Variants in GNAZ observed in about 807,000 individuals in gnomAD.
The protein encoded by GNAZ is guanine nucleotide-binding protein G(z) subunit alpha.
GNAZ carries 3 observed loss-of-function variants against 25.4 expected under a neutral mutation model. That is an observed-to-expected ratio of 0.12 (90% CI 0.05 to 0.30). The LOEUF (loss-of-function observed/expected upper bound fraction) is 0.30, where lower values mean the gene tolerates loss of function less well. Among genes scored for constraint, GNAZ ranks in the 10% least tolerant of loss-of-function variants. GNAZ has a pLI of 1.00. For missense variants in GNAZ, 241 were observed against 501.8 expected (o/e 0.48, Z 4.97); for synonymous variants, 211 against 205.7 (o/e 1.03, Z -0.22).
intron 2 of GNAZ, among the ~76,000 whole-genome samples, chr22:23,110,825 A>C (rs1333500695): frequency 6.6e-6 from 1 of 152,214 alleles, no homozygotes; most frequent in African/African-American, 2.4e-5. Flanking sequence ...CTGAGAGCTC[A>C]GTGTTGGGAA....
intron 2 of GNAZ, among the ~76,000 whole-genome samples, chr22:23,116,776 G>A (rs886335526): frequency 9.2e-5 from 14 of 152,344 alleles, no homozygotes; most frequent in African/African-American, 3.1e-4. Flanking sequence ...GTGAGTGCCT[G>A]ATGGGGAAGG....
At chr22:23,113,334 C>T (rs1300138562) in intron 2 of GNAZ, among the ~76,000 whole-genome samples, 1 of 152,240 alleles carries the variant, frequency 6.6e-6, no homozygotes, top group Admixed American at 6.5e-5. Flanking sequence ...GCCAGCACCG[C>T]CTCCCTGTTT....
chr22:23,082,139 A>G (rs541151779), intron 1 of GNAZ, among the ~76,000 whole-genome samples: 1 of 151,510 alleles, frequency 6.6e-6, no homozygotes, highest in African/African-American at 2.4e-5. Flanking sequence ...AAAAAACAAA[A>G]AAAAAAAACA....
intron 2 of GNAZ, among the ~76,000 whole-genome samples, chr22:23,107,222 G>C (rs917786840): frequency 2.6e-5 from 4 of 152,172 alleles, no homozygotes; most frequent in Admixed American, 2.6e-4. Context: ...GCAAGCAGAG[G>C]CTCTGACTTC....
chr22:23,072,680 G>T (rs2068409416), intron 1 of GNAZ, among the ~76,000 whole-genome samples: 1 of 152,254 alleles, frequency 6.6e-6, no homozygotes. Flanking sequence ...GTGCTGAGCA[G>T]GGTGAGCTGC....
intron 1 of GNAZ, among the ~76,000 whole-genome samples, chr22:23,089,048 C>T (rs1255346451): frequency 8.6e-5 from 13 of 151,684 alleles, no homozygotes; most frequent in South Asian, 2.1e-4. Context: ...TCACTCTTTC[C>T]GTCGCCCAAG....
intron 1 of GNAZ, among the ~76,000 whole-genome samples, chr22:23,082,378 T>A (rs953638184): frequency 9.8e-5 from 6 of 61,500 alleles, no homozygotes; most frequent in African/African-American, 3.2e-4. Flanking sequence ...CACCTGGCTA[T>A]TTTTTTTTTT....
intron 1 of GNAZ, among the ~76,000 whole-genome samples, chr22:23,085,513 G>C (rs992737105): frequency 6.6e-6 from 1 of 152,230 alleles, no homozygotes; most frequent in Non-Finnish European, 1.5e-5. Flanking sequence ...TAGGAGCAAC[G>C]GGAGAAGCAG....
At chr22:23,115,413 G>T (rs1601828876) in intron 2 of GNAZ, among the ~76,000 whole-genome samples, 1 of 152,190 alleles carries the variant, frequency 6.6e-6, no homozygotes, top group Non-Finnish European at 1.5e-5. Context: ...TGTGTGCAAG[G>T]GTCAGGGTTT....
intron 1 of GNAZ, among the ~76,000 whole-genome samples, chr22:23,088,096 G>C (rs1304490966): frequency 2.6e-5 from 4 of 152,240 alleles, no homozygotes; most frequent in Non-Finnish European, 4.4e-5. Context: ...TTGGAAGTTA[G>C]AAGCAAGATG....
chr22:23,119,209 C>T (rs543326974), intron 2 of GNAZ, among the ~76,000 whole-genome samples: 3 of 152,364 alleles, frequency 2.0e-5, no homozygotes, highest in African/African-American at 7.2e-5. Context: ...CGCTGTGACA[C>T]AGGCTCCCGA....
At chr22:23,074,781 G>A (rs1246632398) in intron 1 of GNAZ, among the ~76,000 whole-genome samples, 1 of 152,202 alleles carries the variant, frequency 6.6e-6, no homozygotes, top group Non-Finnish European at 1.5e-5. Context: ...GCGGGTCCCA[G>A]AGAGCAGGTC....
rs1203047500 is a variant in GNAZ, at chr22:23,104,533, T to C, written c.723+8115T>C. Among the ~76,000 whole-genome samples, 6 of 152,324 alleles carry C rather than the reference T, an allele frequency of 3.9e-5. No individual in the cohort carries two copies. In the South Asian group the frequency reaches 6.2e-4, roughly 16 times the overall value. On this transcript the variant is annotated intron_variant, in intron 2 of 2. Transcript: ENST00000615612. ...AATTTCCTGAGCGCATTAGCTCTGCTCAGTACACACACATGAGAACAGCTC... is the reference window on the plus strand; with the variant it reads ...AATTTCCTGAGCGCATTAGCTCTGCCCAGTACACACACATGAGAACAGCTC...
chr22:23,072,942 T>C (rs535512780), intron 1 of GNAZ, among the ~76,000 whole-genome samples: 20 of 152,308 alleles, frequency 1.3e-4, no homozygotes, highest in Non-Finnish European at 2.6e-4. Context: ...GGTAACTGGA[T>C]TGACTTCACA....
intron 2 of GNAZ, among the ~76,000 whole-genome samples, chr22:23,117,353 C>G (rs952910219): frequency 5.3e-5 from 8 of 152,260 alleles, no homozygotes; most frequent in African/African-American, 1.9e-4. Flanking sequence ...CATTGCATCT[C>G]CAGGCTAAGG....
chr22:23,115,733 C>T (rs1269303015), intron 2 of GNAZ, among the ~76,000 whole-genome samples: 1 of 152,228 alleles, frequency 6.6e-6, no homozygotes, highest in Non-Finnish European at 1.5e-5. Flanking sequence ...GGGGCCGGGG[C>T]TCATGTTTGA....
At chr22:23,092,152 A>G (rs762926349) in intron 1 of GNAZ, among the ~76,000 whole-genome samples, 3 of 152,148 alleles carry the variant, frequency 2.0e-5, no homozygotes, top group Non-Finnish European at 2.9e-5. Context: ...CTCTTGGCCA[A>G]CCATCATCAG....
intron 2 of GNAZ, among the ~76,000 whole-genome samples, chr22:23,118,481 C>T (rs1422534838): frequency 6.9e-6 from 1 of 144,692 alleles, no homozygotes; most frequent in East Asian, 1.9e-4. Context: ...CGCCCCGCCC[C>T]ACCCCCCGCG....
In GNAZ at chr22:23,105,046, C is replaced by T. The variant is rs114171920; in HGVS notation, c.723+8628C>T. ...CCCTAATCCCTGCTTCATCACACCTCGTGGTGGACATGTCCTCAGCTCAGG... is the reference window on the plus strand; with the variant it reads ...CCCTAATCCCTGCTTCATCACACCTTGTGGTGGACATGTCCTCAGCTCAGG... On this transcript the variant is annotated intron_variant, in intron 2 of 2. Transcript: ENST00000615612. 2.8e-3 allele frequency among the ~76,000 whole-genome samples: 433 copies of T among 152,348 alleles called. 2 individuals carry two copies. Among genetic ancestry groups the T allele is most frequent in the African/African-American group, 0.01 (416 of 41,576 alleles).
Sources: gnomAD v4.1 joint callset for allele counts (sites outside exome capture counted in the v4.1 genomes callset) on GRCh38, gnomAD v4.1.1 for gene constraint, MANE v1.5 for transcripts, NCBI Gene and HGNC (gene_info 2026-07-23, HGNC 2026-07-21) for gene names.